NCAM1: variants seen among roughly 807,000 people sequenced by gnomAD.
NCAM1 encodes the protein antigen recognized by monoclonal antibody 5.1H11.
A neutral mutation model predicts 109.8 loss-of-function variants in NCAM1; 14 were observed. The ratio of observed to expected loss-of-function variants is 0.13; its 90% confidence interval spans 0.08 to 0.20. The LOEUF (loss-of-function observed/expected upper bound fraction) is 0.20. Among genes scored for constraint, NCAM1 ranks in the 10% least tolerant of loss-of-function variants. The pLI, the probability that NCAM1 is intolerant of heterozygous loss-of-function variation, is 1.00. For synonymous variants in NCAM1, 418 were observed against 442.9 expected (o/e 0.94, Z 0.70); for missense variants, 774 against 1,109.9 (o/e 0.70, Z 4.30).
Position 113,102,092 on chromosome 11 carries a change from G to C in NCAM1, c.53-100287G>C, listed in dbSNP as rs146871025. Among the ~76,000 whole-genome samples the C allele has an allele frequency of 4.5e-3, 681 of 152,258 alleles. 7 individuals carry two copies. Among genetic ancestry groups the C allele is most frequent in the Non-Finnish European group, 5.8e-3 (397 of 68,000 alleles). On this transcript the variant is annotated intron_variant, in intron 1 of 19. Transcript: ENST00000316851. The stretch of plus-strand genomic sequence containing the variant: ...TACTAATTCTGCAAACTCATTATTT[G>C]TTCAGAAGATTGTAATAAACTCTAC...
chr11:113,119,882 G>C (rs1420293608), intron 1 of NCAM1, among the ~76,000 whole-genome samples: 1 of 152,162 alleles, frequency 6.6e-6, no homozygotes, highest in East Asian at 1.9e-4. Context: ...CCTGTCTGGG[G>C]TTACATTTAC....
At chr11:113,078,850 G>A (rs2135647652) in intron 1 of NCAM1, among the ~76,000 whole-genome samples, 1 of 152,224 alleles carries the variant, frequency 6.6e-6, no homozygotes, top group East Asian at 1.9e-4. Flanking sequence ...GGTCTTATTA[G>A]GAAATTGAGA....
chr11:113,226,933 G>A (rs1287200328), intron 9 of NCAM1, among the ~76,000 whole-genome samples: 2 of 152,222 alleles, frequency 1.3e-5, no homozygotes, highest in African/African-American at 4.8e-5. Flanking sequence ...TTAAAGCAGT[G>A]TGTAGAGGGA....
At chr11:113,217,881 A>G (rs1017766595) in intron 8 of NCAM1, among the ~76,000 whole-genome samples, 30 of 152,318 alleles carry the variant, frequency 2.0e-4, no homozygotes, top group African/African-American at 7.0e-4. Context: ...TATCATCTCT[A>G]GTCCCCTTCC....
chr11:113,009,904 A>G (rs1952002819), intron 1 of NCAM1, among the ~76,000 whole-genome samples: 1 of 152,232 alleles, frequency 6.6e-6, no homozygotes, highest in South Asian at 2.1e-4. Flanking sequence ...ATAAGAGACC[A>G]AGATCTTCAG....
chr11:113,049,258 A>G (rs1953379496), intron 1 of NCAM1, among the ~76,000 whole-genome samples: 1 of 152,090 alleles, frequency 6.6e-6, no homozygotes, highest in East Asian at 1.9e-4. Flanking sequence ...ACTTCAATGA[A>G]AAAAAAATGA....
chr11:113,104,790 G>A (rs1400464037), intron 1 of NCAM1, among the ~76,000 whole-genome samples: 1 of 152,194 alleles, frequency 6.6e-6, no homozygotes, highest in East Asian at 1.9e-4. Flanking sequence ...GGGTGAAGAA[G>A]TTAATGTATA....
At chr11:113,167,969 A>C (rs572654006) in intron 1 of NCAM1, among the ~76,000 whole-genome samples, 3 of 152,160 alleles carry the variant, frequency 2.0e-5, no homozygotes, top group African/African-American at 7.2e-5. Context: ...CTGTTCTATA[A>C]CTTCTTTGGA....
At chr11:112,969,989 A>G (rs1950833930) in intron 1 of NCAM1, among the ~76,000 whole-genome samples, 1 of 152,148 alleles carries the variant, frequency 6.6e-6, no homozygotes, top group Non-Finnish European at 1.5e-5. Flanking sequence ...AAAAAGAGGT[A>G]TAGAAAAGCT....
intron 10 of NCAM1, 30 bp downstream of exon 10, chr11:113,231,825 GA>G (rs1555117315): frequency 6.2e-7 from 1 of 1,613,368 alleles, no homozygotes; most frequent in African/African-American, 1.3e-5. Flanking sequence ...GGACCTGGGG[GA>G]GGGAGGGGCA....
At chr11:113,236,685 G>A (rs916043747) in intron 14 of NCAM1, among the ~76,000 whole-genome samples, 1 of 152,200 alleles carries the variant, frequency 6.6e-6, no homozygotes, top group African/African-American at 2.4e-5. Context: ...CTTCAGCCAG[G>A]ATGCCGGGAA....
intron 1 of NCAM1, among the ~76,000 whole-genome samples, chr11:113,187,797 G>T (rs1321651159): frequency 6.6e-6 from 1 of 152,098 alleles, no homozygotes; most frequent in Non-Finnish European, 1.5e-5. Flanking sequence ...GACCGCCACT[G>T]GAATTGTGTG....
At chr11:113,055,378 A>G (rs1953657204) in intron 1 of NCAM1, among the ~76,000 whole-genome samples, 1 of 152,208 alleles carries the variant, frequency 6.6e-6, no homozygotes, top group African/African-American at 2.4e-5. Context: ...CAAAAGTAGA[A>G]AATGGTCAAC....
intron 14 of NCAM1, among the ~76,000 whole-genome samples, chr11:113,242,080 G>C (rs1031522723): frequency 6.6e-6 from 1 of 152,184 alleles, no homozygotes; most frequent in Non-Finnish European, 1.5e-5. Context: ...AGGATAAGTC[G>C]CTAAGCCTCC....
At chr11:113,193,949 A>C (rs1406803381) in intron 1 of NCAM1, among the ~76,000 whole-genome samples, 2 of 152,138 alleles carry the variant, frequency 1.3e-5, no homozygotes, top group Non-Finnish European at 2.9e-5. Flanking sequence ...TCTTTCTATA[A>C]AACTAAATCG....
rs189842208 is a variant in NCAM1 at position 113,270,472 on chromosome 11, C to T, written c.2339+77C>T. The stretch of plus-strand genomic sequence containing the variant: ...GGGACCCAGCAGCTGCACCACCCTG[C>T]GCCATCAGCTGGTGCCTTTCCTTTC... On this transcript the variant is annotated intron_variant, in intron 18 of 19. Coordinates refer to ENST00000316851, the MANE Select transcript of NCAM1 (RefSeq NM_181351.5). 82 of 1,358,070 alleles carry T rather than the reference C, an allele frequency of 6.0e-5. No individual in the cohort carries two copies. In the East Asian group the frequency reaches 1.2e-3, roughly 20 times the overall value. The allele number at this position is 1,358,070 out of a possible 1,614,324, so 84.1% of individuals were successfully genotyped here. A position where few individuals can be genotyped will look rare whatever the true frequency, so the allele number is the denominator to read the frequency against.
intron 17 of NCAM1, among the ~76,000 whole-genome samples, chr11:113,261,406 G>A (rs570751920): frequency 3.9e-5 from 6 of 152,150 alleles, no homozygotes; most frequent in Non-Finnish European, 7.3e-5. Flanking sequence ...TGGGAGACGT[G>A]TGCTGGACCT....
At chr11:113,264,782 G>A in intron 17 of NCAM1, 1 of 985,460 alleles carries the variant, frequency 1.0e-6, no homozygotes, top group Non-Finnish European at 1.2e-6. Flanking sequence ...GGCCTCAGCT[G>A]AAACAATGTC....
chr11:113,021,681 T>C (rs1952388796), intron 1 of NCAM1, among the ~76,000 whole-genome samples: 1 of 152,242 alleles, frequency 6.6e-6, no homozygotes. Context: ...ACAGCGATTT[T>C]CCCATTGTCA....
Sources: allele counts gnomAD v4.1 joint callset (sites outside exome capture counted in the v4.1 genomes callset), GRCh38; gene constraint gnomAD v4.1.1; transcripts MANE v1.5; gene names NCBI Gene and HGNC (gene_info 2026-07-23, HGNC 2026-07-21).